The following DNAH11 variants were observed in gnomAD, a reference collection of about 807,000 sequenced individuals.
DNAH11 encodes dynein axonemal heavy chain 11.
DNAH11 carries 442 observed loss-of-function variants against 526.0 expected under a neutral mutation model. The observed-to-expected ratio is 0.84, with a 90% CI of 0.78 to 0.91. The LOEUF (loss-of-function observed/expected upper bound fraction) is 0.91. DNAH11 is among the 40% of genes least tolerant of loss of function. The pLI is 0.00. For missense variants in DNAH11, 6,989 were observed against 5,448.7 expected, an observed-to-expected ratio of 1.28 and a Z score of -8.90; for synonymous variants, 2,461 against 1,935.9, an observed-to-expected ratio of 1.27 and a Z score of -7.12.
At chr7:21,646,388 C>A (rs1040912079) in intron 28 of DNAH11, among the ~76,000 whole-genome samples, 1 of 152,176 alleles carries the variant, frequency 6.6e-6, no homozygotes, top group African/African-American at 2.4e-5. Context: ...GGATTCATCA[C>A]AGGTGAGGAA....
At chr7:21,620,795 A>G (rs866101372) in intron 25 of DNAH11, among the ~76,000 whole-genome samples, 60 of 136,186 alleles carry the variant, frequency 4.4e-4, no homozygotes, top group African/African-American at 1.5e-3. Context: ...ATTCCCACCT[A>G]TGAGTGAGAA....
intron 30 of DNAH11, among the ~76,000 whole-genome samples, chr7:21,663,386 T>C (rs1296107411): frequency 2.0e-5 from 3 of 152,144 alleles, no homozygotes; most frequent in Non-Finnish European, 4.4e-5. Flanking sequence ...TATTAGTTCT[T>C]TGAGAAATCT....
chr7:21,584,416 C>G (rs1784417324), intron 9 of DNAH11, among the ~76,000 whole-genome samples: 1 of 151,806 alleles, frequency 6.6e-6, no homozygotes, highest in Non-Finnish European at 1.5e-5. Flanking sequence ...CATCACACAC[C>G]AGGGGATGTC....
intron 8 of DNAH11, among the ~76,000 whole-genome samples, chr7:21,580,705 G>A (rs541774860): frequency 6.6e-6 from 1 of 152,146 alleles, no homozygotes; most frequent in East Asian, 1.9e-4. Flanking sequence ...CTTTTATATG[G>A]GCACTGATCC....
In DNAH11 at chr7:21,784,486, C is replaced by G. The variant is rs757824695; in HGVS notation, c.9543C>G (p.Leu3181=). The part of the protein sequence containing the change: ...QKQRECEADL[L]KAEPALVAAT... ...AGAGAGAATGTGAAGCTGACTTACT[C>G]AAGGCTGAGCCTGCACTGGTGGCTG... The change falls in exon 58 of 82, where the codon CTC becomes CTG. Residue 3181 remains leucine, a synonymous_variant. Transcript: ENST00000409508. The G allele has an allele frequency of 2.5e-6, 4 of 1,613,532 alleles. No individual in the cohort carries two copies. The South Asian group carries it at 4.4e-5, about 18-fold the overall frequency.
At chr7:21,554,426 C>T (rs755153436) in intron 2 of DNAH11, among the ~76,000 whole-genome samples, 6 of 152,042 alleles carry the variant, frequency 3.9e-5, no homozygotes, top group East Asian at 1.9e-4. Context: ...CTACCCATCT[C>T]GGCCTCCCAG....
intron 61 of DNAH11, among the ~76,000 whole-genome samples, chr7:21,794,446 C>T (rs951308839): frequency 2.6e-5 from 4 of 152,134 alleles, no homozygotes; most frequent in African/African-American, 9.7e-5. Context: ...AATTCTAGAT[C>T]ACTGCTTCCT....
chr7:21,766,462 G>A (rs1787190012), intron 55 of DNAH11, among the ~76,000 whole-genome samples: 1 of 152,172 alleles, frequency 6.6e-6, no homozygotes, highest in Non-Finnish European at 1.5e-5. Flanking sequence ...GGCAAACACA[G>A]AACTGGAGAT....
chr7:21,850,828 T>C (rs28866954), intron 66 of DNAH11, among the ~76,000 whole-genome samples: 14,972 of 152,080 alleles, frequency 0.098, 2,142 homozygotes, highest in African/African-American at 0.3. Flanking sequence ...TTGTTGTCCT[T>C]AGGTTTCCCT....
At chr7:21,872,032 G>A (rs1783513599) in intron 73 of DNAH11, among the ~76,000 whole-genome samples, 2 of 146,616 alleles carry the variant, frequency 1.4e-5, no homozygotes, top group Admixed American at 1.4e-4. Context: ...GCTGAGGCAG[G>A]AGAATAGTGT....
chr7:21,739,482 T>C, intron 47 of DNAH11, 89 bp from the exon 48 acceptor site: 1 of 882,466 alleles, frequency 1.1e-6, no homozygotes, highest in South Asian at 1.6e-5. Flanking sequence ...AAGGAGGTAA[T>C]CTGCGATGAA....
chr7:21,764,130 C>G (rs907362277), intron 54 of DNAH11, among the ~76,000 whole-genome samples: 6 of 152,112 alleles, frequency 3.9e-5, no homozygotes, highest in African/African-American at 1.2e-4. Flanking sequence ...GCTGGACTTA[C>G]AGTTAACAAT....
rs753580649 is a variant in DNAH11 at position 21,690,722 on chromosome 7, T to G, written c.5925-43T>G. ...TGCATTTGTCAATGTGCATTCATAT[T>G]CAATGAACACATTTAATTTCATCAA... is the stretch of plus-strand genomic sequence containing the variant. On this transcript the variant is annotated intron_variant, in intron 34 of 81. Coordinates refer to ENST00000409508, the MANE Select transcript of DNAH11 (RefSeq NM_001277115.2). 6 of 1,448,288 alleles carry G rather than the reference T, an allele frequency of 4.1e-6. No individual in the cohort carries two copies. The East Asian group carries it at 1.4e-4, about 34-fold the overall frequency. 89.7% of individuals were successfully genotyped at this position (1,448,288 alleles called of 1,614,324 possible).
At chr7:21,853,219 A>G (rs1205429556) in intron 67 of DNAH11, among the ~76,000 whole-genome samples, 1 of 152,162 alleles carries the variant, frequency 6.6e-6, no homozygotes, top group Non-Finnish European at 1.5e-5. Context: ...TGCACTTTGG[A>G]CTTTCACAGA....
At chr7:21,853,876 G>A (rs1341915683) in intron 67 of DNAH11, among the ~76,000 whole-genome samples, 1 of 152,176 alleles carries the variant, frequency 6.6e-6, no homozygotes, top group Non-Finnish European at 1.5e-5. Context: ...TAAGTTACTG[G>A]GTATATTATT....
chr7:21,563,213 C>G (rs1477913568), intron 5 of DNAH11, among the ~76,000 whole-genome samples: 4 of 151,028 alleles, frequency 2.6e-5, no homozygotes, highest in Non-Finnish European at 5.9e-5. Flanking sequence ...TTTTTTCTTC[C>G]TTTTTCTTTT....
intron 45 of DNAH11, among the ~76,000 whole-genome samples, chr7:21,732,744 C>G (rs1785436139): frequency 6.6e-6 from 1 of 152,232 alleles, no homozygotes; most frequent in Admixed American, 6.5e-5. Context: ...CTATACTGCT[C>G]TTCTTAACAT....
chr7:21,647,683 A>T (rs138914048), intron 28 of DNAH11, among the ~76,000 whole-genome samples: 1 of 151,962 alleles, frequency 6.6e-6, no homozygotes, highest in East Asian at 1.9e-4. Flanking sequence ...TGCCTGCCTC[A>T]GCCTCCCAAA....
intron 66 of DNAH11, among the ~76,000 whole-genome samples, chr7:21,850,354 CAAAAAA>C (rs34141787): frequency 8.2e-6 from 1 of 122,358 alleles, no homozygotes; most frequent in East Asian, 2.4e-4. Context: ...GACTCTGTCT[CAAAAAA>C]AAAAAAAAAG....
Sources: allele counts gnomAD v4.1 joint callset (sites outside exome capture counted in the v4.1 genomes callset), GRCh38; gene constraint gnomAD v4.1.1; transcripts MANE v1.5; gene names NCBI Gene and HGNC (gene_info 2026-07-23, HGNC 2026-07-21).